Variants in TCF20 observed in about 807,000 individuals in gnomAD.
TCF20 encodes SPRE-binding protein.
TCF20 carries 3 observed loss-of-function variants against 148.6 expected under a neutral mutation model. The observed-to-expected ratio is 0.02, with a 90% CI of 0.01 to 0.05. TCF20 has a LOEUF of 0.05. Among genes scored for constraint, TCF20 ranks in the 10% least tolerant of loss-of-function variants. TCF20 has a pLI of 1.00. For missense variants in TCF20, 2,350 were observed against 2,429.3 expected (o/e 0.97, Z 0.69); for synonymous variants, 1,049 against 909.5 (o/e 1.15, Z -2.76).
At chr22:42,217,636 T>G (rs1166793682) in intron 1 of TCF20, among the ~76,000 whole-genome samples, 1 of 152,192 alleles carries the variant, frequency 6.6e-6, no homozygotes, top group East Asian at 1.9e-4. Flanking sequence ...AGAACTCACA[T>G]ATTCAGAGAT....
chr22:42,168,570 G>A lies in TCF20; in HGVS notation c.*44+39C>T, dbSNP rs1935926913. 4 of 1,538,998 alleles carry A rather than the reference G, an allele frequency of 2.6e-6. No individual in the cohort carries two copies. The East Asian group carries it at 9.8e-5, about 38-fold the overall frequency. ...GCAGAGGCAACGACGCCTGCTGGGA[G>A]CCGGGCAGGATGCAGGGAGCCCGGT... On this transcript the variant is annotated intron_variant, in intron 5 of 5. Coordinates refer to ENST00000677622, the MANE Select transcript of TCF20 (RefSeq NM_001378418.1).
intron 1 of TCF20, among the ~76,000 whole-genome samples, chr22:42,225,442 G>A (rs1013880845): frequency 3.3e-5 from 5 of 150,344 alleles, no homozygotes; most frequent in East Asian, 2.0e-4. Flanking sequence ...GTGAAACCCC[G>A]TCTCTACTAA....
At chr22:42,289,073 G>T (rs1036390947) in intron 1 of TCF20, among the ~76,000 whole-genome samples, 1 of 152,184 alleles carries the variant, frequency 6.6e-6, no homozygotes, top group African/African-American at 2.4e-5. Flanking sequence ...GGCGGGGGCC[G>T]ATGACTGGGA....
Position 42,211,205 on chromosome 22 carries a change from G to A in TCF20, c.4101C>T (p.Ser1367=), listed in dbSNP as rs775303147. 3.5e-5 allele frequency: 57 copies of A among 1,614,018 alleles called. No homozygotes were observed. The highest frequency in any genetic ancestry group is 4.4e-5 in the Non-Finnish European group (52 of 1,180,052). Residue 1367 remains serine, a synonymous_variant, in exon 2 of 6, where the codon AGC becomes AGT. Transcript: ENST00000677622. ...QKITSPNIRR[S]ASSNSAEAGG... ...CAGCCTCCGCACTGTTCGAAGATGC[G>A]CTCCTCCTAATATTTGGGGATGTAA...
intron 2 of TCF20, among the ~76,000 whole-genome samples, chr22:42,199,779 G>A (rs985395647): frequency 6.7e-6 from 1 of 149,256 alleles, no homozygotes; most frequent in East Asian, 1.9e-4. Context: ...GAACCTGGGA[G>A]GCAGAGGTTG....
At chr22:42,196,348 G>A (rs929423530) in intron 2 of TCF20, among the ~76,000 whole-genome samples, 2 of 152,206 alleles carry the variant, frequency 1.3e-5, no homozygotes, top group East Asian at 3.9e-4. Flanking sequence ...AAATGCCCAG[G>A]CCTGCTCTCT....
chr22:42,179,490 C>CAAAAAAAAAAAAAAAAAAAGAA (rs1936655104), intron 3 of TCF20, 119 bp downstream of exon 3: 1 of 341,484 alleles, frequency 2.9e-6, no homozygotes, highest in African/African-American at 3.0e-5. Flanking sequence ...TATGAAGTGA[C>CAAAAAAAAAAAAAAAAAAAGAA]AAAAAAAAAA....
chr22:42,288,212 C>T (rs192714304), upstream of TCF20, among the ~76,000 whole-genome samples: 9 of 152,088 alleles, frequency 5.9e-5, no homozygotes, highest in Admixed American at 3.3e-4. Flanking sequence ...CTGGCCAACA[C>T]GGTAAAACCC....
At chr22:42,218,332 T>C (rs532356665) in intron 1 of TCF20, among the ~76,000 whole-genome samples, 1 of 152,202 alleles carries the variant, frequency 6.6e-6, no homozygotes, top group African/African-American at 2.4e-5. Context: ...CCACAATAAA[T>C]CTGTCCCTTC....
At position 42,316,055 on chromosome 22, in the gene TCF20, C is replaced by A. The variant is rs141401615; in HGVS notation, c.-37+27424G>T. On this transcript the variant is annotated intron_variant, in intron 1 of 1. Transcript: ENST00000515426. Reference sequence around the variant, plus strand: ...CCCAGGAGGCGGAGGTTGCAGTGAGCTGAGATCGCGCCACTGCACTCCAGT... The same window carrying A: ...CCCAGGAGGCGGAGGTTGCAGTGAGATGAGATCGCGCCACTGCACTCCAGT... 4.6e-3 allele frequency among the ~76,000 whole-genome samples: 664 copies of A among 143,568 alleles called. 10 individuals are homozygous for A. The highest frequency in any genetic ancestry group is 0.016 in the African/African-American group (625 of 38,104). The allele number at this position is 143,568 out of a possible 152,430, so 94.2% of individuals were successfully genotyped here. A position where few individuals can be genotyped will look rare whatever the true frequency, so the allele number is the denominator to read the frequency against.
Position 42,198,665 on chromosome 22 carries a change from G to GTTT in TCF20, c.5655+10983_5655+10985dup, listed in dbSNP as rs56309420. ...TTCAGAACAGATGGAATTTTTCCAA[G>GTTT]TTTTTTTTTTTTTTTTGAGACAGTC... On this transcript the variant is annotated intron_variant, in intron 2 of 5. Transcript: ENST00000677622. Among the ~76,000 whole-genome samples, 1,332 of 140,586 alleles carry GTTT rather than the reference G, an allele frequency of 9.5e-3. 19 individuals are homozygous for GTTT. The highest frequency in any genetic ancestry group is 0.016 in the South Asian group (71 of 4,360). 92.2% of individuals were successfully genotyped at this position (140,586 alleles called of 152,430 possible).
At chr22:42,340,966 G>T (rs1245825845) in intron 1 of TCF20, among the ~76,000 whole-genome samples, 2 of 144,002 alleles carry the variant, frequency 1.4e-5, no homozygotes, top group Non-Finnish European at 3.0e-5. Context: ...TGCAGATGCC[G>T]CGAAGCTGGC....
At chr22:42,215,499 C>T in intron 1 of TCF20, 158 bp from the exon 2 acceptor site, 1 of 945,024 alleles carries the variant, frequency 1.1e-6, no homozygotes, top group Non-Finnish European at 1.5e-6. Context: ...AGACAAGAGT[C>T]TCACTCTGTC....
intron 5 of TCF20, among the ~76,000 whole-genome samples, chr22:42,163,009 A>G (rs1222848646): frequency 6.6e-6 from 1 of 152,228 alleles, no homozygotes; most frequent in African/African-American, 2.4e-5. Flanking sequence ...CCAAGAACAC[A>G]GAAGGGTGTC....
intron 2 of TCF20, among the ~76,000 whole-genome samples, chr22:42,199,933 T>C (rs897277109): frequency 1.4e-5 from 2 of 142,774 alleles, no homozygotes; most frequent in African/African-American, 5.3e-5. Context: ...ATAGCTTAAA[T>C]TTTTTTGGTA....
intron 3 of TCF20, among the ~76,000 whole-genome samples, chr22:42,174,892 G>T (rs996008117): frequency 6.6e-6 from 1 of 151,966 alleles, no homozygotes; most frequent in Admixed American, 6.6e-5. Flanking sequence ...AAAATTAGCC[G>T]GGCGTGGCGG....
chr22:42,287,493 T>C (rs1186323160), upstream of TCF20, among the ~76,000 whole-genome samples: 1 of 152,222 alleles, frequency 6.6e-6, no homozygotes, highest in Non-Finnish European at 1.5e-5. Context: ...CATCTCATCA[T>C]AGCACAGATC....
intron 1 of TCF20, among the ~76,000 whole-genome samples, chr22:42,224,609 C>T (rs1163904128): frequency 1.6e-5 from 1 of 60,818 alleles, no homozygotes; most frequent in African/African-American, 6.8e-5. Context: ...GGTAATAAAA[C>T]AGTCAACCAA....
chr22:42,271,222 C>G (rs562318644), upstream of TCF20, among the ~76,000 whole-genome samples: 18 of 152,364 alleles, frequency 1.2e-4, no homozygotes, highest in Non-Finnish European at 2.5e-4. Context: ...TCCAGGTGTC[C>G]GTGGAGGAAC....
Sources: gnomAD v4.1 joint callset for allele counts (sites outside exome capture counted in the v4.1 genomes callset) on GRCh38, gnomAD v4.1.1 for gene constraint, MANE v1.5 for transcripts, NCBI Gene and HGNC (gene_info 2026-07-23, HGNC 2026-07-21) for gene names.